The following DLG2 variants were observed in gnomAD, a reference collection of about 807,000 sequenced individuals.
The protein encoded by DLG2 is discs large MAGUK scaffold protein 2.
DLG2 carries 45 observed loss-of-function variants against 132.5 expected under a neutral mutation model. The observed-to-expected ratio is 0.34, with a 90% confidence interval of 0.27 to 0.44. The LOEUF (loss-of-function observed/expected upper bound fraction) is 0.44, where lower values mean the gene tolerates loss of function less well. Among genes scored for constraint, DLG2 ranks in the 20% least tolerant of loss-of-function variants. The pLI is 1.00. For synonymous variants in DLG2, 424 were observed against 419.6 expected (o/e 1.01, Z -0.13); for missense variants, 1,045 against 1,196.9 (o/e 0.87, Z 1.87).
chr11:84,033,490 A>G (rs764907995), intron 11 of DLG2, among the ~76,000 whole-genome samples: 36 of 152,214 alleles, frequency 2.4e-4, no homozygotes, highest in Non-Finnish European at 3.4e-4. Context: ...AAAAGCAAAG[A>G]AAGTGGTTTC....
At chr11:84,534,870 G>T in intron 6 of DLG2, 139 bp from the exon 7 acceptor site, 1 of 984,978 alleles carries the variant, frequency 1.0e-6, no homozygotes, top group Non-Finnish European at 1.6e-6. Context: ...CTTTGCTGCA[G>T]ACTCTTCTGG....
chr11:83,544,276 C>T (rs949485663), intron 19 of DLG2, among the ~76,000 whole-genome samples: 2 of 152,170 alleles, frequency 1.3e-5, no homozygotes, highest in Non-Finnish European at 2.9e-5. Flanking sequence ...CATGATCATG[C>T]TGAGTCCTGT....
chr11:85,313,478 T>C (rs1467440787), intron 3 of DLG2, among the ~76,000 whole-genome samples: 1 of 152,028 alleles, frequency 6.6e-6, no homozygotes, highest in Non-Finnish European at 1.5e-5. Flanking sequence ...TCCCAGCAAA[T>C]GAAAACATCT....
intron 6 of DLG2, among the ~76,000 whole-genome samples, chr11:84,600,252 C>CAAGCAAGT (rs1291949665): frequency 1.3e-5 from 2 of 150,676 alleles, no homozygotes; most frequent in African/African-American, 4.9e-5. Context: ...AGCAAGCAAG[C>CAAGCAAGT]AAGCAGGCAG....
chr11:83,566,561 G>T (rs755122093), intron 19 of DLG2, among the ~76,000 whole-genome samples: 12 of 151,876 alleles, frequency 7.9e-5, no homozygotes, highest in Non-Finnish European at 1.8e-4. Flanking sequence ...TTCCTGTAAA[G>T]ATTTAAATAC....
chr11:84,683,049 T>G (rs955024556), intron 6 of DLG2, among the ~76,000 whole-genome samples: 1 of 152,178 alleles, frequency 6.6e-6, no homozygotes, highest in Non-Finnish European at 1.5e-5. Context: ...TGAGTATATT[T>G]GAGCAATGTT....
intron 15 of DLG2, among the ~76,000 whole-genome samples, chr11:83,880,226 G>T (rs1430125895): frequency 6.6e-6 from 1 of 152,152 alleles, no homozygotes; most frequent in Non-Finnish European, 1.5e-5. Context: ...GGTCAAGATG[G>T]AGATAACAGT....
chr11:84,546,673 C>G, intron 6 of DLG2: 2 of 531,554 alleles, frequency 3.8e-6, no homozygotes, highest in Non-Finnish European at 7.3e-6. Context: ...GTGACAAACC[C>G]AAAGGCCCTG....
At position 84,213,166 on chromosome 11, in the gene DLG2, C is replaced by T. The variant is rs2096779959; in HGVS notation, c.573+38072G>A. On this transcript the variant is annotated intron_variant, in intron 8 of 27. Transcript: ENST00000376104. ...CCTTAAGAGTTAGGTCAGAGGAAAT[C>T]TTCCATTGCCACCCCAACTCCCTTG... Among the ~76,000 whole-genome samples, 5 of 152,188 alleles carry T rather than the reference C, an allele frequency of 3.3e-5. No homozygotes were observed. In the South Asian group the frequency reaches 1.0e-3, roughly 32 times the overall value.
intron 4 of DLG2, among the ~76,000 whole-genome samples, chr11:85,259,146 G>A (rs2076813463): frequency 1.3e-5 from 2 of 152,036 alleles, no homozygotes; most frequent in African/African-American, 4.8e-5. Context: ...CCTAGTGAGA[G>A]GTCATTGGAT....
At position 85,510,008 on chromosome 11, in the gene DLG2, G is replaced by C. The variant is rs560001806; in HGVS notation, c.40+88649C>G. ...GAAGATTAGCAGGGCCCCTACAAAAGGATGACACACAAATTCATGGAGTGC... is the reference window on the plus strand; with the variant it reads ...GAAGATTAGCAGGGCCCCTACAAAACGATGACACACAAATTCATGGAGTGC... On this transcript the variant is annotated intron_variant, in intron 3 of 27. Transcript: ENST00000376104. 4 of 149,340 alleles carry C rather than the reference G, an allele frequency of 2.7e-5. No individual in the cohort carries two copies. The East Asian group carries it at 8.0e-4, about 30-fold the overall frequency. 9.3% of individuals were successfully genotyped at this position (149,340 alleles called of 1,614,324 possible). A position where few individuals can be genotyped will look rare whatever the true frequency, so the allele number is the denominator to read the frequency against.
intron 6 of DLG2, among the ~76,000 whole-genome samples, chr11:84,609,900 C>T (rs2154537048): frequency 6.6e-6 from 1 of 151,920 alleles, no homozygotes; most frequent in African/African-American, 2.4e-5. Flanking sequence ...TCTAAATGTC[C>T]AGTAATAGGG....
At chr11:84,330,812 A>T (rs928542908) in intron 7 of DLG2, among the ~76,000 whole-genome samples, 1 of 152,108 alleles carries the variant, frequency 6.6e-6, no homozygotes, top group African/African-American at 2.4e-5. Flanking sequence ...TGCTCAGTAC[A>T]TTCCCCTTAT....
chr11:85,136,155 C>A (rs1197279315), intron 5 of DLG2, among the ~76,000 whole-genome samples: 1 of 152,192 alleles, frequency 6.6e-6, no homozygotes, highest in African/African-American at 2.4e-5. Flanking sequence ...ATTTTACAAA[C>A]TGAATATGCA....
chr11:84,843,074 TAGTTA>T (rs1352108490), intron 6 of DLG2, among the ~76,000 whole-genome samples: 1 of 151,974 alleles, frequency 6.6e-6, no homozygotes, highest in East Asian at 1.9e-4. Context: ...ATAGTGCCTA[TAGTTA>T]ACCATATAGT....
chr11:84,204,741 A>C (rs1056512776), intron 8 of DLG2, among the ~76,000 whole-genome samples: 1 of 152,164 alleles, frequency 6.6e-6, no homozygotes, highest in Non-Finnish European at 1.5e-5. Flanking sequence ...CTTTTGAGAT[A>C]GAGTCTCATT....
intron 6 of DLG2, among the ~76,000 whole-genome samples, chr11:85,024,996 A>G (rs1347043376): frequency 1.3e-5 from 2 of 152,220 alleles, no homozygotes; most frequent in African/African-American, 4.8e-5. Flanking sequence ...CTATTAATTT[A>G]TTATTTTAAA....
At chr11:84,936,339 T>C (rs929692330) in intron 6 of DLG2, among the ~76,000 whole-genome samples, 5 of 152,176 alleles carry the variant, frequency 3.3e-5, no homozygotes, top group African/African-American at 9.7e-5. Context: ...TAGGTTAGCA[T>C]AAAAATTGGT....
At chr11:83,960,033 TC>T (rs142818142) in intron 14 of DLG2, among the ~76,000 whole-genome samples, 20,441 of 151,998 alleles carry the variant, frequency 0.13, 1,721 homozygotes, top group African/African-American at 0.22. Flanking sequence ...GGTACCATTT[TC>T]CTTTGTGAGT....
Sources: allele counts gnomAD v4.1 joint callset (sites outside exome capture counted in the v4.1 genomes callset), GRCh38; gene constraint gnomAD v4.1.1; transcripts MANE v1.5; gene names NCBI Gene and HGNC (gene_info 2026-07-23, HGNC 2026-07-21).